DPP6: variants seen among roughly 807,000 people sequenced by gnomAD.
DPP6 encodes the protein dipeptidyl peptidase like 6.
In DPP6, 69 loss-of-function variants were observed where a neutral mutation model predicts 122.6. The observed-to-expected ratio is 0.56, with a 90% CI of 0.46 to 0.69. The LOEUF (loss-of-function observed/expected upper bound fraction) is 0.69, where lower values mean the gene tolerates loss of function less well. DPP6 is among the 30% of genes least tolerant of loss of function. DPP6 has a pLI of 0.00. For missense variants in DPP6, 928 were observed against 1,116.9 expected (o/e 0.83, Z 2.41); for synonymous variants, 418 against 433.1 (o/e 0.97, Z 0.43).
At chr7:153,764,908 C>T in the DPP6 span, among the ~76,000 whole-genome samples, 1 of 152,222 alleles carries the variant, frequency 6.6e-6, no homozygotes, top group African/African-American at 2.4e-5. Context: ...GTCTAGGTAG[C>T]ATTGCTTATG....
At chr7:154,385,334 C>T (rs1023179614) in intron 1 of DPP6, among the ~76,000 whole-genome samples, 18 of 152,126 alleles carry the variant, frequency 1.2e-4, no homozygotes, top group South Asian at 2.1e-4. Context: ...TGGGTCACTC[C>T]GCCACCCGTG....
intron 1 of DPP6, among the ~76,000 whole-genome samples, chr7:154,111,368 A>T (rs1195082099): frequency 6.6e-6 from 1 of 152,168 alleles, no homozygotes; most frequent in Middle Eastern, 3.2e-3. Flanking sequence ...GGGGATAATA[A>T]TGGTGTCTGT....
intron 16 of DPP6, among the ~76,000 whole-genome samples, chr7:154,848,419 T>A (rs897835755): frequency 1.3e-5 from 2 of 152,196 alleles, no homozygotes; most frequent in African/African-American, 4.8e-5. Flanking sequence ...TCCCCAGTGA[T>A]TAGTGATGCT....
At chr7:154,781,614 C>T (rs1174843989) in intron 10 of DPP6, among the ~76,000 whole-genome samples, 1 of 152,224 alleles carries the variant, frequency 6.6e-6, no homozygotes, top group East Asian at 1.9e-4. Flanking sequence ...TGGAACTGTA[C>T]ACTTTAGTAG....
At chr7:153,964,962 T>C (rs1257400648) in intron 1 of DPP6, among the ~76,000 whole-genome samples, 7 of 140,496 alleles carry the variant, frequency 5.0e-5, no homozygotes, top group African/African-American at 2.1e-4. Flanking sequence ...CTCTCTTTCT[T>C]TCTTTCATTT....
intron 1 of DPP6, among the ~76,000 whole-genome samples, chr7:153,974,424 A>G (rs1308742955): frequency 6.6e-6 from 1 of 152,152 alleles, no homozygotes; most frequent in African/African-American, 2.4e-5. Context: ...TGTGACCCCA[A>G]AAAAGAAGGG....
intron 1 of DPP6, among the ~76,000 whole-genome samples, chr7:154,355,530 A>G (rs998937414): frequency 2.0e-5 from 3 of 152,224 alleles, no homozygotes; most frequent in South Asian, 2.1e-4. Context: ...GATCCAGAAT[A>G]TCTTTTTGAG....
intron 10 of DPP6, among the ~76,000 whole-genome samples, chr7:154,773,655 G>A (rs757321907): frequency 1.3e-5 from 2 of 152,156 alleles, no homozygotes; most frequent in Non-Finnish European, 2.9e-5. Context: ...ACCCACCCAA[G>A]TATAGATTCT....
chr7:154,651,093 C>G (rs1280665296), intron 6 of DPP6, among the ~76,000 whole-genome samples: 2 of 152,124 alleles, frequency 1.3e-5, no homozygotes, highest in African/African-American at 4.8e-5. Context: ...TTCATAGGTA[C>G]CAGTACTGCA....
In DPP6 at chr7:154,517,389, C is replaced by T. The variant is rs532583504; in HGVS notation, c.458-23143C>T. On this transcript the variant is annotated intron_variant, in intron 3 of 25. Coordinates refer to ENST00000377770, the MANE Select transcript of DPP6 (RefSeq NM_130797.4). ...GCTTCTCCACAGGGTGAGAGTTGAG[C>T]ACCCAGCACGGTGTCTGCACAGAGG... Among the ~76,000 whole-genome samples, 14 of 152,220 alleles carry T rather than the reference C, an allele frequency of 9.2e-5. No individual in the cohort carries two copies. The South Asian group carries it at 1.9e-3, about 20-fold the overall frequency.
chr7:153,888,429 A>C (rs1412687079), intron 1 of DPP6, among the ~76,000 whole-genome samples: 1 of 152,084 alleles, frequency 6.6e-6, no homozygotes, highest in East Asian at 1.9e-4. Flanking sequence ...TAACTTTCTA[A>C]GTGGAGGACC....
At chr7:154,076,274 C>A (rs2450030) in intron 1 of DPP6, among the ~76,000 whole-genome samples, 4 of 151,956 alleles carry the variant, frequency 2.6e-5, no homozygotes, top group Middle Eastern at 3.4e-3. Flanking sequence ...AAACGGTGAA[C>A]CCCTGTCCCT....
intron 1 of DPP6, among the ~76,000 whole-genome samples, chr7:154,110,832 G>T (rs554890272): frequency 1.3e-5 from 2 of 151,742 alleles, no homozygotes. Flanking sequence ...AACCTTCCAG[G>T]GTCTGGGGAT....
At position 154,807,009 on chromosome 7, in the gene DPP6, C is replaced by T. The variant is rs764315472; in HGVS notation, c.1563C>T (p.Gly521=). The T allele has an allele frequency of 9.9e-6, 16 of 1,613,866 alleles. 1 individual carries two copies. The East Asian group carries it at 1.6e-4, about 16-fold the overall frequency. The change falls in exon 16 of 26, where the codon GGC becomes GGT. Residue 521 remains glycine, a synonymous_variant. Coordinates refer to ENST00000377770, the MANE Select transcript of DPP6 (RefSeq NM_130797.4). ...RRQLYSANTV[G]NFNRQCLSCD... is the part of the protein sequence containing the mutation. Reference sequence around the variant, plus strand: ...GCTCTTCCAGTGCCAACACGGTGGGCAACTTCAACAGGCAGTGCCTCTCCT... The same window carrying T: ...GCTCTTCCAGTGCCAACACGGTGGGTAACTTCAACAGGCAGTGCCTCTCCT...
chr7:153,881,201 T>C, the DPP6 span, among the ~76,000 whole-genome samples: 2 of 152,232 alleles, frequency 1.3e-5, no homozygotes, highest in African/African-American at 2.4e-5. Flanking sequence ...AAGAAGAACA[T>C]GCAGGCATAG....
At chr7:154,379,411 G>A (rs1813402655) in intron 1 of DPP6, among the ~76,000 whole-genome samples, 1 of 152,110 alleles carries the variant, frequency 6.6e-6, no homozygotes, top group Non-Finnish European at 1.5e-5. Context: ...TAATTTAAAT[G>A]ATGAGTTGAT....
At chr7:154,889,681 T>A in intron 25 of DPP6, 151 bp downstream of exon 25, 2 of 1,215,642 alleles carry the variant, frequency 1.6e-6, no homozygotes, top group Non-Finnish European at 2.3e-6. Context: ...GGTTGGAAAA[T>A]CAGCACATGC....
rs1003190887 is a variant in DPP6, at chr7:154,883,240, TCA to T, written c.2133+2304_2133+2305del. Among the ~76,000 whole-genome samples, 13 of 115,122 alleles carry T rather than the reference TCA, an allele frequency of 1.1e-4. No homozygotes were observed. In the South Asian group the frequency reaches 2.7e-3, roughly 24 times the overall value. 75.5% of individuals were successfully genotyped at this position (115,122 alleles called of 152,430 possible). ...GCTCACCCACACAATGCTCACACAT[TCA>T]CACACGCTCACCCATACACCTGCTC... On this transcript the variant is annotated intron_variant, in intron 21 of 25. Coordinates refer to ENST00000377770, the MANE Select transcript of DPP6 (RefSeq NM_130797.4).
chr7:154,613,886 C>T (rs1188547056), intron 5 of DPP6, among the ~76,000 whole-genome samples: 1 of 152,210 alleles, frequency 6.6e-6, no homozygotes, highest in Admixed American at 6.5e-5. Flanking sequence ...GCAGCAGGAC[C>T]TCCATCAGCA....
Sources: allele counts gnomAD v4.1 joint callset (sites outside exome capture counted in the v4.1 genomes callset), GRCh38; gene constraint gnomAD v4.1.1; transcripts MANE v1.5; gene names NCBI Gene and HGNC (gene_info 2026-07-23, HGNC 2026-07-21).